Variants in POTEJ observed in about 807,000 individuals in gnomAD.
POTEJ encodes the protein POTE ankyrin domain family, member J.
Under a neutral mutation model 69.0 loss-of-function variants are expected in POTEJ, and 11 were observed. The ratio of observed to expected loss-of-function variants is 0.16; its 90% CI spans 0.10 to 0.26. The LOEUF (loss-of-function observed/expected upper bound fraction) is 0.26, where lower values mean the gene tolerates loss of function less well. Ranked by LOEUF, POTEJ falls within the 10% of genes least tolerant of loss-of-function variation. POTEJ has a pLI of 1.00. For missense variants in POTEJ, 327 were observed against 1,045.5 expected, an observed-to-expected ratio of 0.31 and a Z score of 9.48; for synonymous variants, 117 against 381.1, an observed-to-expected ratio of 0.31 and a Z score of 8.07.
intron 9 of POTEJ, among the ~76,000 whole-genome samples, chr2:130,636,493 C>G (rs1239219676): frequency 6.8e-6 from 1 of 146,180 alleles, no homozygotes; most frequent in East Asian, 1.9e-4. Context: ...AAAAAAAAAC[C>G]CTTTCTCAGC....
In POTEJ at chr2:130,656,240, T is replaced by A. The variant is rs1450381292; in HGVS notation, c.1789-309T>A. On this transcript the variant is annotated intron_variant, in intron 14 of 14. Coordinates refer to ENST00000409602, the MANE Select transcript of POTEJ (RefSeq NM_001277083.2). ...TTTGTAACTCAGAAAAAGGCTTTTT[T>A]AATTCTGGGATTCTTAAAAATCCTC... 4.1e-5 allele frequency among the ~76,000 whole-genome samples: 6 copies of A among 144,898 alleles called. No individual in the cohort carries two copies. In the South Asian group the frequency reaches 1.1e-3, roughly 26 times the overall value.
Position 130,646,239 on chromosome 2 carries a change from A to G in POTEJ, c.1596A>G (p.Leu532=). 1 of 1,137,478 alleles carries G rather than the reference A, an allele frequency of 8.8e-7. No individual in the cohort carries two copies. Among genetic ancestry groups the G allele is most frequent in the Non-Finnish European group, 1.2e-6 (1 of 840,736 alleles). The allele number at this position is 1,137,478 out of a possible 1,614,324, so 70.5% of individuals were successfully genotyped here. ...CTGCTGGCAATGGTGATGATGGATT[A>G]ATTCCTCCAAGGAAGAGCAGAACAC... ...GATAGNGDDG[L]IPPRKSRTPE... The change falls in exon 13 of 15, where the codon TTA becomes TTG. Residue 532 remains leucine (L), a synonymous_variant. Coordinates refer to ENST00000409602, the MANE Select transcript of POTEJ (RefSeq NM_001277083.2).
chr2:130,637,301 T>G (rs1686130956), intron 9 of POTEJ, among the ~76,000 whole-genome samples: 1 of 149,014 alleles, frequency 6.7e-6, no homozygotes, highest in Admixed American at 6.7e-5. Context: ...AATTGCAAAC[T>G]TTACTATTTT....
At chr2:130,633,023 T>C (rs1463883766) in intron 9 of POTEJ, among the ~76,000 whole-genome samples, 2 of 146,422 alleles carry the variant, frequency 1.4e-5, no homozygotes, top group East Asian at 3.8e-4. Context: ...GTTAGTTTTT[T>C]GGTCATCTCC....
At chr2:130,648,791 T>G (rs1250961079) in intron 13 of POTEJ, among the ~76,000 whole-genome samples, 29 of 106,622 alleles carry the variant, frequency 2.7e-4, no homozygotes, top group African/African-American at 1.1e-3. Context: ...GTTTTTTTTT[T>G]TTTTTTTTTT....
At chr2:130,628,459 G>C (rs200856413) in intron 6 of POTEJ, among the ~76,000 whole-genome samples, 8,038 of 39,100 alleles carry the variant, frequency 0.21, 6 homozygotes, top group Middle Eastern at 0.28. Context: ...TATTTTAATT[G>C]TTTTTAAACC....
intron 14 of POTEJ, among the ~76,000 whole-genome samples, chr2:130,655,915 G>A (rs1644460467): frequency 7.2e-6 from 1 of 138,630 alleles, no homozygotes; most frequent in East Asian, 2.0e-4. Flanking sequence ...AGTGTTATAT[G>A]TAGAAGTGGA....
At chr2:130,628,751 G>A (rs1226206265) in intron 6 of POTEJ, among the ~76,000 whole-genome samples, 7 of 149,186 alleles carry the variant, frequency 4.7e-5, no homozygotes, top group Admixed American at 4.6e-4. Context: ...GATAAGTGTG[G>A]TGGCTCACAC....
chr2:130,647,627 G>A (rs1346513813), intron 13 of POTEJ, among the ~76,000 whole-genome samples: 1 of 152,036 alleles, frequency 6.6e-6, no homozygotes, highest in Non-Finnish European at 1.5e-5. Context: ...GCTCACTGCA[G>A]CCTCGACTTT....
chr2:130,615,629 A>G (rs368488888), intron 1 of POTEJ, among the ~76,000 whole-genome samples: 6,607 of 130,802 alleles, frequency 0.051, 952 homozygotes, highest in African/African-American at 0.16. Context: ...GAAGAGGGAA[A>G]GAAGCAGGAA....
chr2:130,612,625 C>T (rs1401672152), intron 1 of POTEJ, among the ~76,000 whole-genome samples: 3 of 148,260 alleles, frequency 2.0e-5, no homozygotes, highest in East Asian at 2.0e-4. Context: ...TAGCCGGGCA[C>T]GGTGGCAGGT....
chr2:130,636,717 T>G lies in POTEJ; in HGVS notation c.1299-1902T>G, dbSNP rs542862796. ...TTAGAAAAAGGCTTAGCATATTGGA[T>G]GTAGCTACCTAATAAATACTTGTTA... On this transcript the variant is annotated intron_variant, in intron 9 of 14. Coordinates refer to ENST00000409602, the MANE Select transcript of POTEJ (RefSeq NM_001277083.2). 8.2e-4 allele frequency among the ~76,000 whole-genome samples: 122 copies of G among 148,454 alleles called. 1 individual carries two copies. Among genetic ancestry groups the G allele is most frequent in the African/African-American group, 2.8e-3 (116 of 40,730 alleles).
At chr2:130,635,070 A>G (rs1686043000) in intron 9 of POTEJ, among the ~76,000 whole-genome samples, 2 of 134,530 alleles carry the variant, frequency 1.5e-5, no homozygotes, top group South Asian at 2.5e-4. Context: ...TTTCTAGTCC[A>G]TTCATCATGG....
chr2:130,652,276 T>C (rs1686835545), intron 13 of POTEJ, among the ~76,000 whole-genome samples: 1 of 137,688 alleles, frequency 7.3e-6, no homozygotes, highest in African/African-American at 2.7e-5. Flanking sequence ...TAACTGTGAA[T>C]CAAATAATCC....
intron 10 of POTEJ, among the ~76,000 whole-genome samples, chr2:130,643,150 G>T (rs1369259225): frequency 6.8e-6 from 1 of 146,246 alleles, no homozygotes; most frequent in African/African-American, 2.5e-5. Flanking sequence ...AATCAGTAAA[G>T]TACTAAGGCA....
At chr2:130,638,754 GGT>G (rs1686208054) in intron 10 of POTEJ, 65 bp downstream of exon 10, 1 of 977,776 alleles carries the variant, frequency 1.0e-6, no homozygotes, top group African/African-American at 1.6e-5. Flanking sequence ...ACCAGGGACC[GGT>G]TTTGTGGAAG....
intron 6 of POTEJ, among the ~76,000 whole-genome samples, chr2:130,627,028 C>G (rs1330249983): frequency 3.9e-5 from 6 of 152,232 alleles, no homozygotes; most frequent in Admixed American, 6.5e-5. Context: ...AATGAGAAAG[C>G]CTTGGGGGAC....
At chr2:130,626,997 A>G (rs536954890) in intron 6 of POTEJ, among the ~76,000 whole-genome samples, 52 of 152,252 alleles carry the variant, frequency 3.4e-4, no homozygotes, top group Middle Eastern at 6.8e-3. Context: ...AGGTATCGTC[A>G]ATATGATTTA....
At position 130,625,891 on chromosome 2, in the gene POTEJ, C is replaced by T. The variant is rs532758043; in HGVS notation, c.1015+1757C>T. 7.8e-3 allele frequency among the ~76,000 whole-genome samples: 1,046 copies of T among 134,504 alleles called. 87 individuals carry two copies. Among genetic ancestry groups the T allele is most frequent in the Admixed American group, 0.012 (163 of 13,418 alleles). 88.2% of individuals were successfully genotyped at this position (134,504 alleles called of 152,430 possible). A position where few individuals can be genotyped will look rare whatever the true frequency, so the allele number is the denominator to read the frequency against. On this transcript the variant is annotated intron_variant, in intron 6 of 14. Coordinates refer to ENST00000409602, the MANE Select transcript of POTEJ (RefSeq NM_001277083.2). ...GGTAGAATGCTTTGGACTGCAAATA[C>T]TAGATGAACAGTGGCTAAAACAGTA... is the stretch of plus-strand genomic sequence containing the variant.
Sources: gnomAD v4.1 joint callset for allele counts (sites outside exome capture counted in the v4.1 genomes callset) on GRCh38, gnomAD v4.1.1 for gene constraint, MANE v1.5 for transcripts, NCBI Gene and HGNC (gene_info 2026-07-23, HGNC 2026-07-21) for gene names.